The following MAOA variants were observed in gnomAD, a reference collection of about 807,000 sequenced individuals.
The protein encoded by MAOA is amine oxidase [flavin-containing] A.
MAOA carries 6 observed loss-of-function variants against 42.0 expected under a neutral mutation model. The observed-to-expected ratio is 0.14, with a 90% CI of 0.08 to 0.28. MAOA has a LOEUF of 0.28. Ranked by LOEUF, MAOA falls within the 10% of genes least tolerant of loss-of-function variation. MAOA has a pLI of 1.00. For missense variants in MAOA, 262 were observed against 422.3 expected, an observed-to-expected ratio of 0.62 and a Z score of 3.33; for synonymous variants, 140 against 154.0, an observed-to-expected ratio of 0.91 and a Z score of 0.67.
At chrX:43,716,762 G>A in intron 5 of MAOA, among the ~76,000 whole-genome samples, 1 of 110,049 alleles carries the variant, frequency 9.1e-6, no homozygotes, top group Middle Eastern at 4.7e-3. Context: ...GGGGAGATGG[G>A]AATGGTGGAT....
Position 43,744,932 on chromosome X carries a change from T to C in MAOA, c.*419T>C, listed in dbSNP as rs144369167. 526 of 214,735 alleles carry C rather than the reference T, an allele frequency of 2.4e-3. 1 individual carries two copies. The highest frequency in any genetic ancestry group is 0.015 in the African/African-American group (500 of 34,255). The allele number at this position is 214,735 out of a possible 1,213,427, so 17.7% of individuals were successfully genotyped here. On this transcript the variant is annotated 3_prime_UTR_variant, in exon 15 of 15. Transcript: ENST00000338702. ...GAAGGCCCAGCCTGTAACTGTCCTT[T>C]TTCTTCCCTTAGGCAATGGTGAACT...
In MAOA at chrX:43,732,804, G is replaced by A; in HGVS notation, c.1052+9G>A. On this transcript the variant is annotated intron_variant, in intron 9 of 14. Coordinates refer to ENST00000338702, the MANE Select transcript of MAOA (RefSeq NM_000240.4). ...CTGCCTGCCATCATGGGGTAGGTTAGAGCAGGGTGTTCTGCATTTTCCAAA... is the reference window on the plus strand; with the variant it reads ...CTGCCTGCCATCATGGGGTAGGTTAAAGCAGGGTGTTCTGCATTTTCCAAA... The A allele has an allele frequency of 1.7e-5, 20 of 1,152,577 alleles. No homozygotes were observed. The highest frequency in any genetic ancestry group is 2.3e-5 in the Non-Finnish European group (19 of 841,555). 95.0% of individuals were successfully genotyped at this position (1,152,577 alleles called of 1,213,427 possible).
intron 1 of MAOA, among the ~76,000 whole-genome samples, chrX:43,663,310 T>C (rs2147070031): frequency 8.9e-6 from 1 of 111,931 alleles, no homozygotes; most frequent in African/African-American, 3.2e-5. Context: ...TTTAAAACCC[T>C]TTTCTAGTTG....
At chrX:43,656,482 C>A in intron 1 of MAOA, 68 bp downstream of exon 1, 1 of 984,084 alleles carries the variant, frequency 1.0e-6, no homozygotes, top group South Asian at 1.9e-5. Flanking sequence ...CCTACAGTAG[C>A]TCTTGTGGTG....
At chrX:43,698,197 C>T (rs1441450981) in intron 3 of MAOA, among the ~76,000 whole-genome samples, 1 of 112,286 alleles carries the variant, frequency 8.9e-6, no homozygotes, top group East Asian at 2.8e-4. Context: ...CAATGCGAAA[C>T]CTTAAAGAAT....
At chrX:43,689,132 T>C (rs769449494) in intron 2 of MAOA, among the ~76,000 whole-genome samples, 96 of 110,857 alleles carry the variant, frequency 8.7e-4, no homozygotes, top group Admixed American at 2.8e-3. Flanking sequence ...CAGGCTGGAG[T>C]GCAGTGGCGC....
Position 43,744,607 on chromosome X carries a change from A to G in MAOA, c.*94A>G, listed in dbSNP as rs914931302. 1 of 989,908 alleles carries G rather than the reference A, an allele frequency of 1.0e-6. No individual in the cohort carries two copies. The highest frequency in any genetic ancestry group is 1.4e-6 in the Non-Finnish European group (1 of 696,888). The allele number at this position is 989,908 out of a possible 1,213,427, so 81.6% of individuals were successfully genotyped here. A position where few individuals can be genotyped will look rare whatever the true frequency, so the allele number is the denominator to read the frequency against. ...AAGGCTGTGTCATTGGGCCATGTTT[A>G]AGTGTACTGGATTTAACTACCTTTG... is the stretch of plus-strand genomic sequence containing the variant. On this transcript the variant is annotated 3_prime_UTR_variant, in exon 15 of 15. Transcript: ENST00000338702.
intron 5 of MAOA, among the ~76,000 whole-genome samples, chrX:43,724,182 A>T (rs1452298015): frequency 9.0e-6 from 1 of 111,656 alleles, no homozygotes; most frequent in East Asian, 2.8e-4. Flanking sequence ...TATCAGGATG[A>T]TGCTGGCCTC....
chrX:43,671,987 T>C (rs1177240395), intron 1 of MAOA, among the ~76,000 whole-genome samples: 1 of 111,009 alleles, frequency 9.0e-6, no homozygotes, highest in African/African-American at 3.3e-5. Flanking sequence ...AAGAAAGTCA[T>C]TGGTAGCTTG....
intron 4 of MAOA, 88 bp downstream of exon 4, chrX:43,712,064 G>C: frequency 1.4e-6 from 1 of 698,682 alleles, no homozygotes; most frequent in Non-Finnish European, 2.3e-6. Flanking sequence ...AGGGAACATT[G>C]CTCTGGACAC....
chrX:43,736,764 GTTT>G lies in MAOA; in HGVS notation c.1106+495_1106+497del, dbSNP rs1238461275. On this transcript the variant is annotated intron_variant, in intron 10 of 14. Coordinates refer to ENST00000338702, the MANE Select transcript of MAOA (RefSeq NM_000240.4). ...GTATAAAATTTATTTTAGGACAGTG[GTTT>G]TTTTTTTTTTCTTTCTTTCTCCCTT... Among the ~76,000 whole-genome samples, 3 of 101,458 alleles carry G rather than the reference GTTT, an allele frequency of 3.0e-5. No homozygotes were observed. The Admixed American group carries it at 3.2e-4, about 11-fold the overall frequency. 88.1% of individuals were successfully genotyped at this position (101,458 alleles called of 115,157 possible).
intron 5 of MAOA, among the ~76,000 whole-genome samples, chrX:43,722,407 T>C (rs1277581184): frequency 8.9e-6 from 1 of 112,492 alleles, no homozygotes; most frequent in Non-Finnish European, 1.9e-5. Flanking sequence ...ATGGTATCTA[T>C]TGTGGTTTTG....
chrX:43,662,351 A>G (rs1390613172), intron 1 of MAOA, among the ~76,000 whole-genome samples: 1 of 110,813 alleles, frequency 9.0e-6, no homozygotes, highest in Non-Finnish European at 1.9e-5. Context: ...AATTACATTT[A>G]TTTGTGTTCT....
At chrX:43,743,977 C>T in intron 13 of MAOA, 72 bp downstream of exon 13, 1 of 1,174,885 alleles carries the variant, frequency 8.5e-7, no homozygotes, top group Admixed American at 2.5e-5. Context: ...CTTGCTAGTT[C>T]TTGACACTGA....
chrX:43,721,178 G>A (rs2033785825), intron 5 of MAOA, among the ~76,000 whole-genome samples: 1 of 111,213 alleles, frequency 9.0e-6, no homozygotes, highest in Non-Finnish European at 1.9e-5. Context: ...AAGTTCTCAG[G>A]GGAATGGGGA....
chrX:43,703,373 A>G (rs1052187469), intron 3 of MAOA, among the ~76,000 whole-genome samples: 3 of 112,049 alleles, frequency 2.7e-5, no homozygotes, highest in African/African-American at 9.7e-5. Flanking sequence ...AGGACGGGCT[A>G]AGGGCAGAAA....
chrX:43,730,154 A>G (rs1421303787), intron 6 of MAOA, among the ~76,000 whole-genome samples: 1 of 102,764 alleles, frequency 9.7e-6, no homozygotes, highest in African/African-American at 3.6e-5. Flanking sequence ...AGATTGCGCC[A>G]TTGCATGCCA....
rs1217428322 is a variant in MAOA at position 43,683,517 on chromosome X, A to G, written c.78A>G (p.Leu26=). 1.7e-6 allele frequency: 2 copies of G among 1,207,543 alleles called. No individual in the cohort carries two copies. The highest frequency in any genetic ancestry group is 1.8e-5 in the South Asian group (1 of 56,945). The change falls in exon 2 of 15, where the codon CTA becomes CTG. Residue 26 remains leucine, a synonymous_variant. Coordinates refer to ENST00000338702, the MANE Select transcript of MAOA (RefSeq NM_000240.4). The part of the protein sequence containing the change: ...VVVIGGGISG[L]SAAKLLTEYG... ...TCTTTTTTGTTTTTCCTTTAGGACT[A>G]TCTGCTGCCAAACTCTTGACTGAAT... is the stretch of plus-strand genomic sequence containing the variant.
chrX:43,679,872 A>G (rs1166338217), intron 1 of MAOA, among the ~76,000 whole-genome samples: 1 of 112,208 alleles, frequency 8.9e-6, no homozygotes. Flanking sequence ...CTAAAGAAAT[A>G]ATCAGACATA....
Sources: allele counts gnomAD v4.1 joint callset (sites outside exome capture counted in the v4.1 genomes callset), GRCh38; gene constraint gnomAD v4.1.1; transcripts MANE v1.5; gene names NCBI Gene and HGNC (gene_info 2026-07-23, HGNC 2026-07-21).